Variants in FRMPD4 observed in about 807,000 individuals in gnomAD.
The protein encoded by FRMPD4 is FERM and PDZ domain-containing protein 4.
FRMPD4 carries 22 observed loss-of-function variants against 94.1 expected under a neutral mutation model. The ratio of observed to expected loss-of-function variants is 0.23; its 90% CI spans 0.17 to 0.33. The LOEUF (loss-of-function observed/expected upper bound fraction) is 0.33, where lower values mean the gene tolerates loss of function less well. Ranked by LOEUF, FRMPD4 falls within the 10% of genes least tolerant of loss-of-function variation. The pLI is 1.00. For missense variants in FRMPD4, 1,111 were observed against 1,339.9 expected (o/e 0.83, Z 2.67); for synonymous variants, 631 against 548.6 (o/e 1.15, Z -2.10).
chrX:12,607,874 A>G (rs1308984085), intron 2 of FRMPD4, among the ~76,000 whole-genome samples: 1 of 112,320 alleles, frequency 8.9e-6, no homozygotes, highest in Non-Finnish European at 1.9e-5. Flanking sequence ...AGATAGTGAT[A>G]TATACCTAAA....
chrX:12,380,514 G>T (rs866264628), intron 1 of FRMPD4, among the ~76,000 whole-genome samples: 24 of 112,228 alleles, frequency 2.1e-4, no homozygotes, highest in Middle Eastern at 4.6e-3. Flanking sequence ...GAATATTTCA[G>T]TTAACTTGGA....
intron 4 of FRMPD4, among the ~76,000 whole-genome samples, chrX:12,630,449 A>G (rs1207893261): frequency 8.9e-6 from 1 of 112,425 alleles, no homozygotes; most frequent in Admixed American, 9.4e-5. Flanking sequence ...ACCTCAACCA[A>G]TGAAGCTTAA....
intron 1 of FRMPD4, among the ~76,000 whole-genome samples, chrX:12,428,076 AT>A (rs1241933822): frequency 3.7e-5 from 4 of 107,528 alleles, no homozygotes; most frequent in African/African-American, 1.4e-4. Flanking sequence ...TGCCCAGCTA[AT>A]TTTTTTTGCA....
intron 3 of FRMPD4, among the ~76,000 whole-genome samples, chrX:12,071,767 G>A (rs952595503): frequency 1.8e-5 from 2 of 111,093 alleles, no homozygotes; most frequent in Admixed American, 1.9e-4. Flanking sequence ...CTTTTACAGG[G>A]TGGTGAAAAC....
At chrX:12,480,993 T>A (rs2057674135) in intron 1 of FRMPD4, among the ~76,000 whole-genome samples, 1 of 111,596 alleles carries the variant, frequency 9.0e-6, no homozygotes, top group Non-Finnish European at 1.9e-5. Context: ...TGACTTGGGG[T>A]CTTGACACAC....
intron 1 of FRMPD4, among the ~76,000 whole-genome samples, chrX:12,493,673 G>T (rs910579731): frequency 2.7e-5 from 3 of 112,029 alleles, no homozygotes; most frequent in Non-Finnish European, 1.9e-5. Context: ...TCCCTATTAG[G>T]CTAGTTATAC....
chrX:11,906,372 C>T lies in FRMPD4; in HGVS notation c.95+28354C>T, dbSNP rs1601832408. Among the ~76,000 whole-genome samples, 4 of 110,524 alleles carry T rather than the reference C, an allele frequency of 3.6e-5. No homozygotes were observed. In the East Asian group the frequency reaches 1.1e-3, roughly 31 times the overall value. On this transcript the variant is annotated intron_variant, in intron 3 of 18. Transcript: ENST00000640291. ...CCGTGTTAGCCAGGATGGTCTCGAT[C>T]TCCTGACCTTGTGATCTGCCTGCCT...
At chrX:11,897,140 G>T (rs1279813289) in intron 3 of FRMPD4, among the ~76,000 whole-genome samples, 1 of 102,606 alleles carries the variant, frequency 9.7e-6, no homozygotes, top group Admixed American at 1.1e-4. Context: ...TATGGAACAT[G>T]GATGAATTAC....
At chrX:12,450,644 T>C (rs1196340534) in intron 1 of FRMPD4, among the ~76,000 whole-genome samples, 1 of 110,793 alleles carries the variant, frequency 9.0e-6, no homozygotes, top group East Asian at 2.8e-4. Context: ...CTGCTCATAC[T>C]CATACTTTTT....
intron 1 of FRMPD4, among the ~76,000 whole-genome samples, chrX:12,286,307 A>G (rs762151422): frequency 2.2e-4 from 24 of 111,000 alleles, no homozygotes; most frequent in African/African-American, 7.5e-4. Context: ...TTTCTTCTTA[A>G]TCACAGCCAT....
intron 3 of FRMPD4, among the ~76,000 whole-genome samples, chrX:12,049,084 C>T (rs1436794347): frequency 9.0e-6 from 1 of 111,212 alleles, no homozygotes; most frequent in African/African-American, 3.3e-5. Context: ...GGCAGTATGG[C>T]CATTTTAACA....
At chrX:11,860,892 A>G (rs1195888565) in intron 1 of FRMPD4, among the ~76,000 whole-genome samples, 1 of 111,747 alleles carries the variant, frequency 8.9e-6, no homozygotes, top group African/African-American at 3.2e-5. Flanking sequence ...TTTACCACTA[A>G]TTGTTCTTTT....
chrX:12,714,897 C>G, intron 14 of FRMPD4, among the ~76,000 whole-genome samples: 1 of 112,341 alleles, frequency 8.9e-6, no homozygotes, highest in Non-Finnish European at 1.9e-5. Context: ...AAAATTATAT[C>G]TCTTATTGTT....
At chrX:12,509,645 G>A (rs1021625303) in intron 2 of FRMPD4, among the ~76,000 whole-genome samples, 4 of 110,996 alleles carry the variant, frequency 3.6e-5, no homozygotes, top group African/African-American at 9.8e-5. Flanking sequence ...TATACTGCTC[G>A]GGTGATGGGT....
At chrX:12,533,365 C>T (rs770131920) in intron 2 of FRMPD4, among the ~76,000 whole-genome samples, 271 of 111,702 alleles carry the variant, frequency 2.4e-3, no homozygotes, top group African/African-American at 8.3e-3. Context: ...TTATCAGCAG[C>T]GTGAAAATGG....
intron 1 of FRMPD4, among the ~76,000 whole-genome samples, chrX:12,477,703 C>T (rs1208115404): frequency 8.9e-6 from 1 of 112,508 alleles, no homozygotes; most frequent in Admixed American, 9.4e-5. Context: ...GCAATCATTT[C>T]TTGACAAATA....
At chrX:12,486,241 G>T (rs948708110) in intron 1 of FRMPD4, among the ~76,000 whole-genome samples, 1 of 111,631 alleles carries the variant, frequency 9.0e-6, no homozygotes, top group East Asian at 2.8e-4. Flanking sequence ...GGGAGACTAT[G>T]CTCAGACTGT....
intron 16 of FRMPD4, among the ~76,000 whole-genome samples, chrX:12,719,488 T>C (rs2042176535): frequency 8.9e-6 from 1 of 112,828 alleles, no homozygotes; most frequent in Non-Finnish European, 1.9e-5. Context: ...TCCACTTGGC[T>C]GGCCATCACA....
rs1036963817 is a variant in FRMPD4 at position 12,503,835 on chromosome X, T to C, written c.158+5039T>C. Among the ~76,000 whole-genome samples, 7 of 112,258 alleles carry C rather than the reference T, an allele frequency of 6.2e-5. No individual in the cohort carries two copies. The Admixed American group carries it at 6.6e-4, about 11-fold the overall frequency. On this transcript the variant is annotated intron_variant, in intron 2 of 16. Transcript: ENST00000675598. The stretch of plus-strand genomic sequence containing the variant: ...GGCTATTCTTTGGATATTTTTTTCT[T>C]GATTTTTACTACAAGATTTCATGAG...
Sources: allele counts gnomAD v4.1 joint callset (sites outside exome capture counted in the v4.1 genomes callset), GRCh38; gene constraint gnomAD v4.1.1; transcripts MANE v1.5; gene names NCBI Gene and HGNC (gene_info 2026-07-23, HGNC 2026-07-21).